The following RANBP17 variants were observed in gnomAD, a reference collection of about 807,000 sequenced individuals.
RANBP17 encodes ran-binding protein 17.
RANBP17 carries 158 observed loss-of-function variants against 141.2 expected under a neutral mutation model. The ratio of observed to expected loss-of-function variants is 1.12; its 90% CI spans 0.98 to 1.28. RANBP17 has a LOEUF of 1.28. RANBP17 is among the 50% of genes most tolerant of loss of function. The probability of loss-of-function intolerance (pLI) is 0.00; values close to 1 mark genes in which losing one functional copy is unlikely to be tolerated. For missense variants in RANBP17, 1,438 were observed against 1,290.7 expected (o/e 1.11, Z -1.75); for synonymous variants, 430 against 450.0 (o/e 0.96, Z 0.56).
At chr5:171,270,958 C>T (rs1250031212) in intron 25 of RANBP17, among the ~76,000 whole-genome samples, 1 of 151,600 alleles carries the variant, frequency 6.6e-6, no homozygotes. Context: ...ATTCATCTTA[C>T]TCTTGTCTAT....
intron 16 of RANBP17, among the ~76,000 whole-genome samples, chr5:171,175,121 A>G (rs1760360746): frequency 6.6e-6 from 1 of 152,142 alleles, no homozygotes; most frequent in South Asian, 2.1e-4. Context: ...CCTGCAAAGA[A>G]CATGAACTCA....
At chr5:171,285,560 A>T (rs534394165) in intron 25 of RANBP17, among the ~76,000 whole-genome samples, 1 of 152,334 alleles carries the variant, frequency 6.6e-6, no homozygotes, top group African/African-American at 2.4e-5. Flanking sequence ...GGCAAGAGTG[A>T]GAGTTTCCCA....
At chr5:171,262,836 G>A (rs1258932633) in intron 24 of RANBP17, among the ~76,000 whole-genome samples, 1 of 152,044 alleles carries the variant, frequency 6.6e-6, no homozygotes, top group African/African-American at 2.4e-5. Context: ...CAAAACTATG[G>A]TCCACGGCTG....
intron 21 of RANBP17, among the ~76,000 whole-genome samples, chr5:171,214,529 TC>T (rs1276730050): frequency 6.6e-6 from 1 of 152,142 alleles, no homozygotes; most frequent in African/African-American, 2.4e-5. Context: ...AAGGGAGGTA[TC>T]CAGACAGGGA....
intron 14 of RANBP17, among the ~76,000 whole-genome samples, chr5:171,031,018 AAC>A (rs1477210508): frequency 6.6e-6 from 1 of 152,012 alleles, no homozygotes; most frequent in East Asian, 1.9e-4. Flanking sequence ...GTGAACTTTA[AAC>A]ATTTCCATAT....
chr5:171,018,664 G>C (rs1036061974), intron 14 of RANBP17, among the ~76,000 whole-genome samples: 1 of 152,158 alleles, frequency 6.6e-6, no homozygotes, highest in African/African-American at 2.4e-5. Context: ...GGGCTGAGAT[G>C]ATGGGGTTTT....
At chr5:171,168,705 A>G (rs1759877683) in intron 14 of RANBP17, among the ~76,000 whole-genome samples, 2 of 152,140 alleles carry the variant, frequency 1.3e-5, no homozygotes, top group African/African-American at 4.8e-5. Context: ...GGTCACTTTA[A>G]TCTTGTTAGA....
At chr5:171,041,773 G>A (rs1412029964) in intron 14 of RANBP17, among the ~76,000 whole-genome samples, 1 of 152,008 alleles carries the variant, frequency 6.6e-6, no homozygotes, top group Non-Finnish European at 1.5e-5. Context: ...GGATACATGT[G>A]CAAGATGTAC....
chr5:171,223,564 G>C (rs1377155226), intron 22 of RANBP17, among the ~76,000 whole-genome samples: 1 of 152,162 alleles, frequency 6.6e-6, no homozygotes, highest in African/African-American at 2.4e-5. Flanking sequence ...GAACCCGGGA[G>C]GCAGAGGTTG....
In RANBP17 at chr5:171,169,847, G is replaced by GA. The variant is rs536105107; in HGVS notation, c.1711-271dup. ...AGAAAGGGGTGGTCTACCACTTTGA[G>GA]AAAAAAAAAAAATGTGTGTGGTGTG... On this transcript the variant is annotated intron_variant, in intron 14 of 27. Coordinates refer to ENST00000523189, the MANE Select transcript of RANBP17 (RefSeq NM_022897.5). 9.5e-3 allele frequency among the ~76,000 whole-genome samples: 1,355 copies of GA among 142,802 alleles called. 14 individuals carry two copies. Among genetic ancestry groups the GA allele is most frequent in the Non-Finnish European group, 0.015 (960 of 64,988 alleles). 93.7% of individuals were successfully genotyped at this position (142,802 alleles called of 152,430 possible). A position where few individuals can be genotyped will look rare whatever the true frequency, so the allele number is the denominator to read the frequency against.
At chr5:171,132,136 A>G (rs183668457) in intron 14 of RANBP17, among the ~76,000 whole-genome samples, 5 of 152,286 alleles carry the variant, frequency 3.3e-5, no homozygotes, top group Admixed American at 2.0e-4. Context: ...TTAAATAAAC[A>G]TGTAAGTTAC....
intron 18 of RANBP17, among the ~76,000 whole-genome samples, chr5:171,191,644 G>A (rs1008033385): frequency 3.3e-5 from 5 of 151,438 alleles, no homozygotes; most frequent in South Asian, 2.1e-4. Context: ...CCGAGGTCGC[G>A]TCACTGCACT....
chr5:171,252,846 T>A, intron 24 of RANBP17: 1 of 1,275,872 alleles, frequency 7.8e-7, no homozygotes, highest in Non-Finnish European at 1.1e-6. Context: ...TAGTTAAGAG[T>A]CATGATTTTT....
intron 3 of RANBP17, among the ~76,000 whole-genome samples, chr5:170,882,860 CATATGGA>C (rs1365551363): frequency 6.6e-6 from 1 of 152,190 alleles, no homozygotes; most frequent in Non-Finnish European, 1.5e-5. Flanking sequence ...GCTTGCATTT[CATATGGA>C]CAAAATTGTA....
chr5:171,163,818 G>T (rs1759500714), intron 14 of RANBP17, among the ~76,000 whole-genome samples: 1 of 152,136 alleles, frequency 6.6e-6, no homozygotes, highest in Non-Finnish European at 1.5e-5. Context: ...TTGGTTCAGA[G>T]AAGGTTTGTC....
intron 14 of RANBP17, among the ~76,000 whole-genome samples, chr5:170,980,099 A>G (rs1777656564): frequency 6.6e-6 from 1 of 152,140 alleles, no homozygotes; most frequent in Admixed American, 6.5e-5. Flanking sequence ...AACTGGCGGA[A>G]TTTTGACCCT....
At position 171,023,813 on chromosome 5, in the gene RANBP17, G is replaced by C. The variant is rs191135939; in HGVS notation, c.1710+55436G>C. ...CAGTGAAATTTCTGTACTTTACTTA[G>C]GATCCTGCCTTTTTCTCTGTAGTTT... is the stretch of plus-strand genomic sequence containing the variant. On this transcript the variant is annotated intron_variant, in intron 14 of 27. Transcript: ENST00000523189. 5.2e-3 allele frequency among the ~76,000 whole-genome samples: 797 copies of C among 152,170 alleles called. 3 individuals are homozygous for C. Among genetic ancestry groups the C allele is most frequent in the Non-Finnish European group, 7.6e-3 (519 of 67,998 alleles).
intron 1 of RANBP17, among the ~76,000 whole-genome samples, chr5:170,865,988 A>G (rs900141609): frequency 1.3e-5 from 2 of 152,182 alleles, no homozygotes; most frequent in Admixed American, 1.3e-4. Flanking sequence ...AAACTGGGTG[A>G]GCTCACCTAG....
At chr5:171,252,494 A>T (rs1380121050) in intron 24 of RANBP17, 1 of 1,447,968 alleles carries the variant, frequency 6.9e-7, no homozygotes, top group African/African-American at 1.4e-5. Flanking sequence ...CTATGCAGTG[A>T]GTACAAGTAT....
Sources: allele counts gnomAD v4.1 joint callset (sites outside exome capture counted in the v4.1 genomes callset), GRCh38; gene constraint gnomAD v4.1.1; transcripts MANE v1.5; gene names NCBI Gene and HGNC (gene_info 2026-07-23, HGNC 2026-07-21).